The following PTGIS variants were observed in gnomAD, a reference collection of about 807,000 sequenced individuals.
PTGIS encodes the protein prostaglandin I2 synthase, also known as prostacyclin synthase.
In PTGIS, 45 loss-of-function variants were observed where a neutral mutation model predicts 50.3. The ratio of observed to expected loss-of-function variants is 0.90; its 90% CI spans 0.70 to 1.15. The LOEUF is 1.15. PTGIS is among the 50% of genes most tolerant of loss of function. The pLI is 0.00. For missense variants in PTGIS, 668 were observed against 661.3 expected (o/e 1.01, Z -0.11); for synonymous variants, 260 against 267.7 (o/e 0.97, Z 0.28).
At chr20:49,566,602 C>G (rs1209270841) in intron 1 of PTGIS, among the ~76,000 whole-genome samples, 1 of 152,210 alleles carries the variant, frequency 6.6e-6, no homozygotes, top group Non-Finnish European at 1.5e-5. Flanking sequence ...ATTCAACTAC[C>G]ATATTGTTTA....
At position 49,513,085 on chromosome 20, in the gene PTGIS, G is replaced by T. The variant is rs1379299092; in HGVS notation, c.1201C>A (p.Pro401Thr). ...PQRDPEIYTD[P>T]EVFKYNRFLN... ...CAGGCGCCCCTGCCATTTACCTCTG[G>T]GTCTGTGTAGATTTCTGGGTCTCTC... Residue 401 changes from proline to threonine, a missense_variant, in exon 8 of 10, where the codon CCA becomes ACA. Transcript: ENST00000244043. 1.9e-6 allele frequency: 3 copies of T among 1,614,092 alleles called. No homozygotes were observed. Among genetic ancestry groups the T allele is most frequent in the South Asian group, 2.2e-5 (2 of 91,068 alleles).
intron 6 of PTGIS, among the ~76,000 whole-genome samples, chr20:49,518,211 GA>G (rs1981545499): frequency 6.6e-6 from 1 of 152,194 alleles, no homozygotes; most frequent in Non-Finnish European, 1.5e-5. Flanking sequence ...AGAATATCCC[GA>G]GTGTGATGAT....
chr20:49,526,977 G>C (rs1290047645), intron 5 of PTGIS, among the ~76,000 whole-genome samples: 1 of 152,116 alleles, frequency 6.6e-6, no homozygotes, highest in East Asian at 1.9e-4. Context: ...TAGGTATATA[G>C]CCCAAAGAAC....
intron 5 of PTGIS, among the ~76,000 whole-genome samples, chr20:49,526,825 T>C (rs522962): frequency 0.61 from 92,129 of 152,086 alleles, 29,954 homozygotes; most frequent in African/African-American, 0.85. Flanking sequence ...ACATAGGAAA[T>C]AAGTGATGGT....
At chr20:49,533,573 T>C (rs1460893304) in intron 5 of PTGIS, among the ~76,000 whole-genome samples, 1 of 152,158 alleles carries the variant, frequency 6.6e-6, no homozygotes, top group Non-Finnish European at 1.5e-5. Flanking sequence ...ATAAAGAATC[T>C]AAGAGTTCAA....
chr20:49,550,818 A>G (rs1381233643), intron 1 of PTGIS, among the ~76,000 whole-genome samples: 1 of 152,226 alleles, frequency 6.6e-6, no homozygotes, highest in Non-Finnish European at 1.5e-5. Flanking sequence ...TCCTGCTTCC[A>G]TGACGATGGA....
chr20:49,563,645 C>A (rs372704404), intron 1 of PTGIS, among the ~76,000 whole-genome samples: 4 of 152,214 alleles, frequency 2.6e-5, no homozygotes, highest in Non-Finnish European at 5.9e-5. Context: ...ATGTCCCACA[C>A]AGCACAAACC....
chr20:49,567,995 G>A, intron 1 of PTGIS, 48 bp downstream of exon 1: 2 of 1,451,344 alleles, frequency 1.4e-6, no homozygotes, highest in South Asian at 1.3e-5. Flanking sequence ...AGCCCGGGCG[G>A]GAGCCGCCCC....
chr20:49,510,977 C>A, intron 9 of PTGIS, 51 bp downstream of exon 9: 1 of 1,586,880 alleles, frequency 6.3e-7, no homozygotes, highest in Non-Finnish European at 8.6e-7. Context: ...AGGGCGCCTG[C>A]CAACCAGGGG....
intron 1 of PTGIS, among the ~76,000 whole-genome samples, chr20:49,560,040 CAGCCTGCCGAGT>C (rs1291157631): frequency 2.0e-5 from 3 of 151,902 alleles, no homozygotes; most frequent in African/African-American, 7.3e-5. Flanking sequence ...TTCTCTGCCT[CAGCCTGCCGAGT>C]AGCTGGGATT....
intron 5 of PTGIS, among the ~76,000 whole-genome samples, chr20:49,525,599 A>T (rs1393710833): frequency 6.6e-6 from 1 of 151,782 alleles, no homozygotes; most frequent in Non-Finnish European, 1.5e-5. Flanking sequence ...TTTTTTTTAA[A>T]ATATTTTCAT....
intron 5 of PTGIS, among the ~76,000 whole-genome samples, chr20:49,532,649 C>T (rs1981963364): frequency 6.6e-6 from 1 of 151,866 alleles, no homozygotes; most frequent in South Asian, 2.1e-4. Flanking sequence ...AATTATTAGC[C>T]CAAGGAGAAC....
intron 5 of PTGIS, among the ~76,000 whole-genome samples, chr20:49,534,954 C>T (rs1194226352): frequency 1.3e-5 from 2 of 152,062 alleles, no homozygotes; most frequent in African/African-American, 4.8e-5. Flanking sequence ...TGCAGTGAGC[C>T]GAGGTCTCGC....
intron 1 of PTGIS, among the ~76,000 whole-genome samples, chr20:49,560,526 A>G (rs928681271): frequency 3.3e-5 from 5 of 152,232 alleles, no homozygotes; most frequent in South Asian, 2.1e-4. Context: ...TAAATGGGAT[A>G]TGAATTATAT....
rs748953360 is a variant in PTGIS at position 49,507,974 on chromosome 20, G to A, written c.1449C>T (p.Phe483=). The change falls in exon 10 of 10, where the codon TTC becomes TTT. Residue 483 remains phenylalanine, a synonymous_variant. Transcript: ENST00000244043. ...IPEFDLSRYG[F]GLMQPEHDVP... is the part of the protein sequence containing the mutation. ...CGTCGTGTTCCGGCTGCATCAGACC[G>A]AAGCCGTACCTGCTGAGGTCAAACT... The A allele has an allele frequency of 2.0e-5, 33 of 1,613,694 alleles. No homozygotes were observed. Among genetic ancestry groups the A allele is most frequent in the South Asian group, 5.5e-5 (5 of 91,088 alleles).
In PTGIS at chr20:49,514,319, C is replaced by T. The variant is rs370935102; in HGVS notation, c.932G>A (p.Gly311Glu). Residue 311 changes from glycine to glutamate, a missense_variant, in exon 7 of 10, where the codon GGA becomes GAA. Transcript: ENST00000244043. Reference protein sequence around the residue: ...KNPEALAAVRGELESILWQAE... With the variant: ...KNPEALAAVREELESILWQAE... ...TTGCCAAAGGATACTCTCGAGCTCT[C>T]CGCGGACAGCAGCCAGGGCTTCAGG... 3.1e-6 allele frequency: 5 copies of T among 1,614,020 alleles called. No homozygotes were observed. Among genetic ancestry groups the T allele is most frequent in the Non-Finnish European group, 4.2e-6 (5 of 1,180,050 alleles).
chr20:49,567,949 C>T, intron 1 of PTGIS, 94 bp downstream of exon 1: 1 of 1,230,700 alleles, frequency 8.1e-7, no homozygotes, highest in Non-Finnish European at 1.1e-6. Context: ...GGGACTCGGG[C>T]CGGGCCGGCC....
At position 49,526,339 on chromosome 20, in the gene PTGIS, T is replaced by C. The variant is rs1273696754; in HGVS notation, c.674-2100A>G. Among the ~76,000 whole-genome samples the C allele has an allele frequency of 1.9e-3, 297 of 152,330 alleles. 1 individual carries two copies. Among genetic ancestry groups the C allele is most frequent in the African/African-American group, 7.0e-3 (291 of 41,560 alleles). On this transcript the variant is annotated intron_variant, in intron 5 of 9. Coordinates refer to ENST00000244043, the MANE Select transcript of PTGIS (RefSeq NM_000961.4). Reference sequence around the variant, plus strand: ...AACACAGCTTTAGAAATAACTGGCATTCTTTGAAGTCTGACCACACAACTG... The same window carrying C: ...AACACAGCTTTAGAAATAACTGGCACTCTTTGAAGTCTGACCACACAACTG...
chr20:49,513,635 C>G (rs1981389019), intron 7 of PTGIS, among the ~76,000 whole-genome samples: 1 of 152,140 alleles, frequency 6.6e-6, no homozygotes, highest in Non-Finnish European at 1.5e-5. Flanking sequence ...CTCTCTCATT[C>G]TCAGGGGTTA....
Sources: gnomAD v4.1 joint callset for allele counts (sites outside exome capture counted in the v4.1 genomes callset) on GRCh38, gnomAD v4.1.1 for gene constraint, MANE v1.5 for transcripts, NCBI Gene and HGNC (gene_info 2026-07-23, HGNC 2026-07-21) for gene names.